CDH13: variants seen among roughly 807,000 people sequenced by gnomAD.
The protein encoded by CDH13 is cadherin 13.
In CDH13, 24 loss-of-function variants were observed where a neutral mutation model predicts 63.8. The observed-to-expected ratio is 0.38, with a 90% CI of 0.27 to 0.53. CDH13 has a LOEUF of 0.53. CDH13 is among the 20% of genes least tolerant of loss of function. The pLI, the probability that CDH13 is intolerant of heterozygous loss-of-function variation, is 0.85. For synonymous variants in CDH13, 503 were observed against 355.3 expected (o/e 1.42, Z -4.67); for missense variants, 1,049 against 903.1 (o/e 1.16, Z -2.07).
At chr16:83,356,242 G>A (rs545332044) in intron 6 of CDH13, among the ~76,000 whole-genome samples, 3 of 151,180 alleles carry the variant, frequency 2.0e-5, no homozygotes, top group Admixed American at 6.6e-5. Flanking sequence ...GTGTGTGTGT[G>A]TGTGTGTGTG....
intron 2 of CDH13, among the ~76,000 whole-genome samples, chr16:82,966,782 G>A (rs909354321): frequency 6.6e-6 from 1 of 152,132 alleles, no homozygotes; most frequent in South Asian, 2.1e-4. Context: ...TTGCAGACTC[G>A]ATGCCCCTTT....
At chr16:83,694,500 T>G (rs1317663791) in intron 10 of CDH13, among the ~76,000 whole-genome samples, 1 of 152,244 alleles carries the variant, frequency 6.6e-6, no homozygotes, top group Non-Finnish European at 1.5e-5. Flanking sequence ...TCTTCCACAG[T>G]GCTCGTGATG....
At chr16:82,801,079 T>C (rs2151159909) in intron 1 of CDH13, among the ~76,000 whole-genome samples, 1 of 152,250 alleles carries the variant, frequency 6.6e-6, no homozygotes, top group African/African-American at 2.4e-5. Flanking sequence ...TCTCAGGAGC[T>C]CTTGATGCTT....
intron 1 of CDH13, among the ~76,000 whole-genome samples, chr16:82,680,037 A>C (rs1371698482): frequency 1.3e-5 from 2 of 152,126 alleles, no homozygotes; most frequent in South Asian, 4.1e-4. Context: ...TCCAGGATCT[A>C]TGGGGAATTT....
At chr16:83,368,446 C>G (rs576850396) in intron 6 of CDH13, among the ~76,000 whole-genome samples, 16 of 152,286 alleles carry the variant, frequency 1.1e-4, no homozygotes, top group African/African-American at 3.1e-4. Flanking sequence ...TTATTTGAGC[C>G]ATGATTGAAT....
chr16:83,302,804 G>A lies in CDH13; in HGVS notation c.637-42058G>A, dbSNP rs117152847. On this transcript the variant is annotated intron_variant, in intron 5 of 13. Coordinates refer to ENST00000567109, the MANE Select transcript of CDH13 (RefSeq NM_001257.5). The stretch of plus-strand genomic sequence containing the variant: ...CAATAAGAGTGGGAATGTCAGAGCA[G>A]GTGACACAGTGAGGTTGCTTTAGCT... Among the ~76,000 whole-genome samples the A allele has an allele frequency of 9.4e-3, 1,432 of 152,324 alleles. 22 individuals are homozygous for A. The highest frequency in any genetic ancestry group is 0.071 in the East Asian group (369 of 5,184).
intron 7 of CDH13, among the ~76,000 whole-genome samples, chr16:83,593,670 A>T (rs1906977249): frequency 6.6e-6 from 1 of 152,090 alleles, no homozygotes; most frequent in African/African-American, 2.4e-5. Flanking sequence ...ATAATATGTA[A>T]TCATATTTAT....
chr16:83,145,993 G>GGACCA (rs1356774687), intron 4 of CDH13, among the ~76,000 whole-genome samples: 3 of 151,912 alleles, frequency 2.0e-5, no homozygotes, highest in African/African-American at 4.8e-5. Flanking sequence ...CGGGAGTTCG[G>GGACCA]GACCAACCTG....
intron 5 of CDH13, among the ~76,000 whole-genome samples, chr16:83,271,974 G>C (rs899209203): frequency 6.6e-6 from 1 of 152,042 alleles, no homozygotes; most frequent in Non-Finnish European, 1.5e-5. Context: ...ATATCATAAT[G>C]GTAATAAACA....
At chr16:82,975,880 T>C (rs1909432663) in intron 2 of CDH13, among the ~76,000 whole-genome samples, 2 of 152,170 alleles carry the variant, frequency 1.3e-5, no homozygotes, top group Admixed American at 1.3e-4. Context: ...TTTAACAGCA[T>C]AATGCAGTTG....
chr16:83,464,700 C>T (rs577576957), intron 6 of CDH13, among the ~76,000 whole-genome samples: 53 of 152,218 alleles, frequency 3.5e-4, no homozygotes, highest in African/African-American at 1.2e-3. Context: ...GGACGGAATG[C>T]CTGCCCTAAT....
chr16:83,046,965 C>T (rs952652623), intron 3 of CDH13, among the ~76,000 whole-genome samples: 2 of 152,214 alleles, frequency 1.3e-5, no homozygotes, highest in African/African-American at 4.8e-5. Context: ...TGCCTCCCAG[C>T]TGTTTATGGA....
At chr16:83,186,432 C>T (rs961967262) in intron 4 of CDH13, among the ~76,000 whole-genome samples, 2 of 152,080 alleles carry the variant, frequency 1.3e-5, no homozygotes, top group Admixed American at 1.3e-4. Context: ...CCACAGCGCC[C>T]GGCCTAATGG....
At chr16:82,697,718 G>T (rs973906538) in intron 1 of CDH13, among the ~76,000 whole-genome samples, 1 of 151,476 alleles carries the variant, frequency 6.6e-6, no homozygotes, top group South Asian at 2.1e-4. Flanking sequence ...GTGAGCCACC[G>T]CACCTGGCTG....
At chr16:83,259,903 T>G (rs182968009) in intron 5 of CDH13, among the ~76,000 whole-genome samples, 1 of 152,166 alleles carries the variant, frequency 6.6e-6, no homozygotes, top group East Asian at 1.9e-4. Context: ...TGGGAGAAAT[T>G]CAGATTGCTC....
At chr16:83,491,643 T>C (rs2074015811) in intron 7 of CDH13, among the ~76,000 whole-genome samples, 1 of 151,974 alleles carries the variant, frequency 6.6e-6, no homozygotes, top group African/African-American at 2.4e-5. Flanking sequence ...AACATTTGCA[T>C]TGAGAAAGTA....
intron 7 of CDH13, among the ~76,000 whole-genome samples, chr16:83,541,078 C>T (rs1209798428): frequency 6.6e-6 from 1 of 152,100 alleles, no homozygotes; most frequent in African/African-American, 2.4e-5. Flanking sequence ...CGCTCAATCC[C>T]CAGGTCATAT....
intron 2 of CDH13, chr16:82,954,418 C>G (rs1197464388): frequency 6.6e-6 from 1 of 152,088 alleles, no homozygotes; most frequent in African/African-American, 2.4e-5. Context: ...TGTGAGCACA[C>G]AAGAACAGTA....
chr16:83,250,705 C>G (rs1003892053), intron 5 of CDH13, among the ~76,000 whole-genome samples: 1 of 152,120 alleles, frequency 6.6e-6, no homozygotes, highest in East Asian at 1.9e-4. Flanking sequence ...AAGAGGAAAG[C>G]AGGACCCAGA....
Sources: gnomAD v4.1 joint callset for allele counts (sites outside exome capture counted in the v4.1 genomes callset) on GRCh38, gnomAD v4.1.1 for gene constraint, MANE v1.5 for transcripts, NCBI Gene and HGNC (gene_info 2026-07-23, HGNC 2026-07-21) for gene names.